The following LDB2 variants were observed in gnomAD, a reference collection of about 807,000 sequenced individuals.
LDB2 encodes LIM domain binding 2, also known as LIM domain-binding protein 2.
Under a neutral mutation model 44.3 loss-of-function variants are expected in LDB2, and 12 were observed. The ratio of observed to expected loss-of-function variants is 0.27; its 90% CI spans 0.17 to 0.44. The LOEUF (loss-of-function observed/expected upper bound fraction) is 0.44, where lower values mean the gene tolerates loss of function less well. Among genes scored for constraint, LDB2 ranks in the 20% least tolerant of loss-of-function variants. The probability of loss-of-function intolerance (pLI) is 1.00; values close to 1 mark genes in which losing one functional copy is unlikely to be tolerated. For missense variants in LDB2, 344 were observed against 473.5 expected, an observed-to-expected ratio of 0.73 and a Z score of 2.54; for synonymous variants, 164 against 174.8, an observed-to-expected ratio of 0.94 and a Z score of 0.49.
intron 1 of LDB2, among the ~76,000 whole-genome samples, chr4:16,863,047 G>C (rs1713266789): frequency 6.6e-6 from 1 of 152,174 alleles, no homozygotes; most frequent in African/African-American, 2.4e-5. Flanking sequence ...ACGGGCTCCA[G>C]CCAGCCAAGG....
intron 2 of LDB2, among the ~76,000 whole-genome samples, chr4:16,701,411 G>C (rs1014246402): frequency 1.3e-5 from 2 of 152,148 alleles, no homozygotes; most frequent in African/African-American, 2.4e-5. Context: ...GATAGGTCAT[G>C]GGCCTCAACA....
chr4:16,749,577 A>T (rs866314275), intron 2 of LDB2, among the ~76,000 whole-genome samples: 1,385 of 138,436 alleles, frequency 0.01, 32 homozygotes, highest in African/African-American at 0.034. Context: ...AAAAAATAAA[A>T]AAATAAAAAA....
At chr4:16,837,995 G>T (rs948106286) in intron 1 of LDB2, among the ~76,000 whole-genome samples, 1 of 152,184 alleles carries the variant, frequency 6.6e-6, no homozygotes, top group African/African-American at 2.4e-5. Flanking sequence ...AGGGACTAGG[G>T]TTTATATTTT....
intron 7 of LDB2, chr4:16,506,911 A>G (rs1339983430): frequency 2.0e-5 from 3 of 152,080 alleles, no homozygotes; most frequent in African/African-American, 7.2e-5. Flanking sequence ...ACTTTTTCTT[A>G]TTTGCTAGAG....
At chr4:16,549,401 T>G (rs1258996478) in intron 5 of LDB2, among the ~76,000 whole-genome samples, 1 of 152,184 alleles carries the variant, frequency 6.6e-6, no homozygotes, top group Non-Finnish European at 1.5e-5. Flanking sequence ...AGGAAGAGAC[T>G]CAATCTCTCC....
At chr4:16,736,736 A>G (rs993406364) in intron 2 of LDB2, among the ~76,000 whole-genome samples, 3 of 152,246 alleles carry the variant, frequency 2.0e-5, no homozygotes, top group African/African-American at 7.2e-5. Context: ...TTATTTAAAA[A>G]TAAATCTAGA....
chr4:16,768,925 A>C (rs1397221335), intron 1 of LDB2, among the ~76,000 whole-genome samples: 1 of 152,230 alleles, frequency 6.6e-6, no homozygotes, highest in Non-Finnish European at 1.5e-5. Context: ...TGACACAGCT[A>C]TCAAATTGCC....
chr4:16,880,281 C>T (rs900635639), intron 1 of LDB2, among the ~76,000 whole-genome samples: 23 of 152,130 alleles, frequency 1.5e-4, no homozygotes, highest in African/African-American at 5.3e-4. Context: ...TCAAAACAGG[C>T]CTCCATTTCC....
At chr4:16,570,552 G>A in intron 5 of LDB2, among the ~76,000 whole-genome samples, 1 of 142,816 alleles carries the variant, frequency 7.0e-6, no homozygotes, top group Non-Finnish European at 1.5e-5. Flanking sequence ...CAACAGAAGG[G>A]TAAACTGATG....
At position 16,834,532 on chromosome 4, in the gene LDB2, G is replaced by A. The variant is rs116133350; in HGVS notation, c.132+63822C>T. Among the ~76,000 whole-genome samples the A allele has an allele frequency of 9.4e-3, 1,432 of 152,106 alleles. 26 individuals are homozygous for A. Among genetic ancestry groups the A allele is most frequent in the African/African-American group, 0.033 (1,367 of 41,522 alleles). ...GTGACTCCTATAGGTGCAAGCTTTA[G>A]AAGGTAGGAGTCAAGGCCAGGCACG... On this transcript the variant is annotated intron_variant, in intron 1 of 7. Coordinates refer to ENST00000304523, the MANE Select transcript of LDB2 (RefSeq NM_001290.5).
chr4:16,861,644 T>C (rs1361753342), intron 1 of LDB2, among the ~76,000 whole-genome samples: 4 of 152,202 alleles, frequency 2.6e-5, no homozygotes, highest in African/African-American at 4.8e-5. Flanking sequence ...CGCCAGTCCG[T>C]GCTTTCAAAC....
intron 1 of LDB2, among the ~76,000 whole-genome samples, chr4:16,788,229 A>T (rs537271040): frequency 1.5e-4 from 23 of 152,308 alleles, no homozygotes; most frequent in African/African-American, 3.8e-4. Flanking sequence ...AGACCATTCT[A>T]TTAACAGGAG....
intron 1 of LDB2, among the ~76,000 whole-genome samples, chr4:16,867,565 C>T (rs1715119840): frequency 6.6e-6 from 1 of 152,042 alleles, no homozygotes; most frequent in African/African-American, 2.4e-5. Flanking sequence ...TAGCAGTGCC[C>T]AGGTTTGTAG....
chr4:16,807,756 G>T (rs977050978), intron 1 of LDB2, among the ~76,000 whole-genome samples: 1 of 152,158 alleles, frequency 6.6e-6, no homozygotes, highest in Admixed American at 6.5e-5. Flanking sequence ...AGACACAAAA[G>T]ATCAACTTTC....
rs77886682 is a variant in LDB2 at position 16,664,543 on chromosome 4, A to C, written c.236-68668T>G. 2.2e-3 allele frequency among the ~76,000 whole-genome samples: 331 copies of C among 152,192 alleles called. 3 individuals carry two copies. The highest frequency in any genetic ancestry group is 0.018 in the South Asian group (86 of 4,814). ...GACCCCCGTGTTGATCTGAACTGTG[A>C]AAGGGTTCTTGATTCTCCATTTAAT... On this transcript the variant is annotated intron_variant, in intron 2 of 7. Transcript: ENST00000304523.
chr4:16,823,532 C>T (rs1782492440), intron 1 of LDB2, among the ~76,000 whole-genome samples: 1 of 152,054 alleles, frequency 6.6e-6, no homozygotes, highest in Non-Finnish European at 1.5e-5. Context: ...AATGCGAAAA[C>T]ATCCAGATAG....
At chr4:16,616,772 G>C (rs1456511739) in intron 2 of LDB2, among the ~76,000 whole-genome samples, 1 of 152,064 alleles carries the variant, frequency 6.6e-6, no homozygotes, top group African/African-American at 2.4e-5. Flanking sequence ...CTGCCTCCTC[G>C]AGTAAAAGTC....
rs192542695 is a variant in LDB2 at position 16,856,030 on chromosome 4, C to G, written c.132+42324G>C. On this transcript the variant is annotated intron_variant, in intron 1 of 7. Coordinates refer to ENST00000304523, the MANE Select transcript of LDB2 (RefSeq NM_001290.5). ...CAACAAAGAATATTTATATTTATCT[C>G]AAGAGATTTCCAGAGTATTCCTTTC... Among the ~76,000 whole-genome samples the G allele has an allele frequency of 4.8e-4, 73 of 152,270 alleles. 1 individual carries two copies. The highest frequency in any genetic ancestry group is 6.8e-3 in the Middle Eastern group (2 of 294).
chr4:16,891,304 CTTTTTTTTTTTT>C (rs559119712), intron 1 of LDB2, among the ~76,000 whole-genome samples: 5,937 of 77,806 alleles, frequency 0.076, 198 homozygotes, highest in South Asian at 0.12. Flanking sequence ...CTTAAGTATT[CTTTTTTTTTTTT>C]TTTTTTTTTT....
Sources: gnomAD v4.1 joint callset for allele counts (sites outside exome capture counted in the v4.1 genomes callset) on GRCh38, gnomAD v4.1.1 for gene constraint, MANE v1.5 for transcripts, NCBI Gene and HGNC (gene_info 2026-07-23, HGNC 2026-07-21) for gene names.